ULK4: variants seen among roughly 807,000 people sequenced by gnomAD.
ULK4 encodes the protein inactive serine/threonine-protein kinase ULK4.
Under a neutral mutation model 160.6 loss-of-function variants are expected in ULK4, and 133 were observed. That is an observed-to-expected ratio of 0.83 (90% confidence interval 0.72 to 0.96). The LOEUF is 0.96. Among genes scored for constraint, ULK4 ranks in the 40% least tolerant of loss-of-function variants. The probability of loss-of-function intolerance (pLI) is 0.00; values close to 1 mark genes in which losing one functional copy is unlikely to be tolerated. For synonymous variants in ULK4, 534 were observed against 539.8 expected (o/e 0.99, Z 0.15); for missense variants, 1,580 against 1,499.5 (o/e 1.05, Z -0.89).
intron 19 of ULK4, among the ~76,000 whole-genome samples, chr3:41,818,217 G>C (rs2041031442): frequency 6.6e-6 from 1 of 151,724 alleles, no homozygotes; most frequent in Admixed American, 6.6e-5. Context: ...ATATCAAAGA[G>C]ACAACTGCAC....
At chr3:41,924,451 A>G (rs1263199691) in intron 5 of ULK4, among the ~76,000 whole-genome samples, 1 of 152,224 alleles carries the variant, frequency 6.6e-6, no homozygotes, top group East Asian at 1.9e-4. Flanking sequence ...CTGCCCTGTC[A>G]TAGAGACTGT....
At chr3:41,698,352 C>G (rs1348941140) in intron 27 of ULK4, among the ~76,000 whole-genome samples, 1 of 152,090 alleles carries the variant, frequency 6.6e-6, no homozygotes. Context: ...GCCTTGAACT[C>G]CTAGGCTCCA....
chr3:41,385,273 A>AT lies in ULK4; in HGVS notation c.3678+12805dup, dbSNP rs199822913. Reference sequence around the variant, plus strand: ...CTTTCAACTTTTCTTGGATTTTGAGATTTTTTTTAATAAAAAGAAGAGTAA... The same window carrying AT: ...CTTTCAACTTTTCTTGGATTTTGAGATTTTTTTTTAATAAAAAGAAGAGTAA... On this transcript the variant is annotated intron_variant, in intron 35 of 36. Coordinates refer to ENST00000301831, the MANE Select transcript of ULK4 (RefSeq NM_017886.4). Among the ~76,000 whole-genome samples the AT allele has an allele frequency of 6.7e-3, 1,024 of 152,056 alleles. 3 individuals carry two copies. Among genetic ancestry groups the AT allele is most frequent in the African/African-American group, 0.015 (627 of 41,468 alleles).
chr3:41,582,892 G>C (rs1037242782), intron 31 of ULK4, among the ~76,000 whole-genome samples: 2 of 152,226 alleles, frequency 1.3e-5, no homozygotes, highest in African/African-American at 4.8e-5. Flanking sequence ...GCATTCTTAA[G>C]AACCCTCTGA....
intron 21 of ULK4, among the ~76,000 whole-genome samples, chr3:41,772,253 C>G (rs1274875848): frequency 6.6e-6 from 1 of 152,006 alleles, no homozygotes; most frequent in Admixed American, 6.6e-5. Flanking sequence ...ACACAAAAAA[C>G]CCTTCAAAAA....
intron 2 of ULK4, among the ~76,000 whole-genome samples, chr3:41,939,937 C>T (rs1038974435): frequency 4.6e-5 from 7 of 152,076 alleles, no homozygotes; most frequent in Non-Finnish European, 8.8e-5. Flanking sequence ...CATTTCATCC[C>T]GAAACCATCC....
chr3:41,321,063 C>T (rs940229221), intron 35 of ULK4, among the ~76,000 whole-genome samples: 4 of 151,818 alleles, frequency 2.6e-5, no homozygotes, highest in African/African-American at 9.7e-5. Flanking sequence ...TGCCAGGCCT[C>T]TCTGGTTCTT....
intron 35 of ULK4, among the ~76,000 whole-genome samples, chr3:41,367,860 T>A (rs1216580148): frequency 6.6e-6 from 1 of 152,166 alleles, no homozygotes; most frequent in Admixed American, 6.5e-5. Flanking sequence ...TTAATATATG[T>A]ATATGTATAT....
At chr3:41,723,724 T>A (rs951802195) in intron 22 of ULK4, among the ~76,000 whole-genome samples, 2 of 152,212 alleles carry the variant, frequency 1.3e-5, no homozygotes, top group Non-Finnish European at 2.9e-5. Flanking sequence ...AAAAACCATC[T>A]GGACTGAGAA....
At chr3:41,526,048 C>T (rs879881459) in intron 32 of ULK4, among the ~76,000 whole-genome samples, 2 of 152,184 alleles carry the variant, frequency 1.3e-5, no homozygotes, top group Non-Finnish European at 2.9e-5. Context: ...TCCCTACTTC[C>T]ATGTCTTCCT....
intron 30 of ULK4, among the ~76,000 whole-genome samples, chr3:41,655,285 C>G (rs894220993): frequency 6.7e-6 from 1 of 148,908 alleles, no homozygotes; most frequent in Non-Finnish European, 1.5e-5. Context: ...GGACAAAAAA[C>G]CAAACACCGC....
At chr3:41,579,002 T>C (rs569397066) in intron 31 of ULK4, among the ~76,000 whole-genome samples, 6 of 152,306 alleles carry the variant, frequency 3.9e-5, no homozygotes, top group South Asian at 4.1e-4. Flanking sequence ...CAAATACTTA[T>C]GGGGTTCTTG....
At chr3:41,651,692 G>A (rs1319822154) in intron 30 of ULK4, among the ~76,000 whole-genome samples, 1 of 152,178 alleles carries the variant, frequency 6.6e-6, no homozygotes, top group African/African-American at 2.4e-5. Context: ...GAATTTTCTT[G>A]TGGGCAACTA....
At chr3:41,267,927 C>T (rs1392575579) in intron 35 of ULK4, among the ~76,000 whole-genome samples, 1 of 152,124 alleles carries the variant, frequency 6.6e-6, no homozygotes, top group Non-Finnish European at 1.5e-5. Flanking sequence ...TGAGAGAGCC[C>T]GTGAAATAGG....
intron 5 of ULK4, among the ~76,000 whole-genome samples, chr3:41,928,048 T>C (rs920733313): frequency 2.0e-5 from 3 of 152,248 alleles, no homozygotes; most frequent in African/African-American, 7.2e-5. Context: ...CAACAGAATA[T>C]ACATTCTTCT....
chr3:41,632,887 G>C (rs2033804506), intron 30 of ULK4, among the ~76,000 whole-genome samples: 1 of 152,290 alleles, frequency 6.6e-6, no homozygotes, highest in Non-Finnish European at 1.5e-5. Flanking sequence ...ACATTCTACA[G>C]GGTAGGTACA....
intron 32 of ULK4, among the ~76,000 whole-genome samples, chr3:41,474,794 C>T (rs2084089361): frequency 1.4e-5 from 2 of 142,048 alleles, no homozygotes; most frequent in Admixed American, 7.2e-5. Context: ...GGAGATATCA[C>T]CTTACATCTG....
At chr3:41,645,460 C>T (rs2034440458) in intron 30 of ULK4, among the ~76,000 whole-genome samples, 1 of 150,876 alleles carries the variant, frequency 6.6e-6, no homozygotes, top group Non-Finnish European at 1.5e-5. Context: ...ACCCAGTAGT[C>T]ATTCAGGAGC....
At chr3:41,856,206 CTTGCT>C (rs1237746638) in intron 17 of ULK4, among the ~76,000 whole-genome samples, 2 of 151,970 alleles carry the variant, frequency 1.3e-5, no homozygotes, top group Admixed American at 1.3e-4. Flanking sequence ...TTATTCAACT[CTTGCT>C]TTATCATTTT....
Sources: allele counts gnomAD v4.1 joint callset (sites outside exome capture counted in the v4.1 genomes callset), GRCh38; gene constraint gnomAD v4.1.1; transcripts MANE v1.5; gene names NCBI Gene and HGNC (gene_info 2026-07-23, HGNC 2026-07-21).